NPAS1: variants seen among roughly 807,000 people sequenced by gnomAD.
NPAS1 encodes neuronal PAS domain protein 1, also known as neuronal PAS domain-containing protein 1.
A neutral mutation model predicts 49.2 loss-of-function variants in NPAS1; 29 were observed. The observed-to-expected ratio is 0.59, with a 90% CI of 0.44 to 0.80. The LOEUF is 0.80. Among genes scored for constraint, NPAS1 ranks in the 30% least tolerant of loss-of-function variants. NPAS1 has a pLI of 0.00. For missense variants in NPAS1, 825 were observed against 835.5 expected, an observed-to-expected ratio of 0.99 and a Z score of 0.15; for synonymous variants, 408 against 380.4, an observed-to-expected ratio of 1.07 and a Z score of -0.84.
intron 7 of NPAS1, 62 bp downstream of exon 7, chr19:47,039,213 C>T (rs532811210): frequency 1.3e-5 from 20 of 1,516,208 alleles, no homozygotes; most frequent in Admixed American, 2.0e-5. Flanking sequence ...TGAGGGTGAC[C>T]GAGGGAACCA....
At position 47,043,722 on chromosome 19, in the gene NPAS1, A is replaced by G. The variant is rs540325514; in HGVS notation, c.1312+818A>G. Among the ~76,000 whole-genome samples, 304 of 152,144 alleles carry G rather than the reference A, an allele frequency of 2.0e-3. 1 individual carries two copies. The highest frequency in any genetic ancestry group is 3.6e-3 in the Non-Finnish European group (248 of 67,996). On this transcript the variant is annotated intron_variant, in intron 11 of 11. Transcript: ENST00000602212. ...CAGTGAGCTGAGATCTCACCGCTGC[A>G]CTCCAGCCTGGGTGACAGAGTGAGA...
At position 47,045,199 on chromosome 19, in the gene NPAS1, C is replaced by A; in HGVS notation, c.1321C>A (p.Pro441Thr). The A allele has an allele frequency of 6.2e-7, 1 of 1,613,446 alleles. No individual in the cohort carries two copies. Among genetic ancestry groups the A allele is most frequent in the Non-Finnish European group, 8.5e-7 (1 of 1,179,830 alleles). ...GCATCTTCCTCTTCCAGAGCCGGAG[C>A]CTCCGACGGAAGGGAAGCAGGCTGC... Reference protein sequence around the residue: ...SPGPEPTEPEPPTEGKQAAPA... With the variant: ...SPGPEPTEPETPTEGKQAAPA... Residue 441 changes from proline (P) to threonine (T), a missense_variant, in exon 12 of 12, where the codon CCT (proline) becomes ACT (threonine). Pro to Thr is a conservative substitution (Grantham distance 38). Transcript: ENST00000602212.
chr19:47,031,722 G>T (rs918920342), intron 3 of NPAS1, among the ~76,000 whole-genome samples: 5 of 149,966 alleles, frequency 3.3e-5, no homozygotes, highest in African/African-American at 1.2e-4. Context: ...GTAGAGATGG[G>T]GATCCAACAT....
chr19:47,021,199 G>GAC lies in NPAS1; in HGVS notation c.122+30_122+31insAC, dbSNP rs150309227. ...GCAAAGCCCCGCCCCCCTGGCCGCG[G>GAC]GCCCCCCCCCGGGTCCAATTCACAC... is the stretch of plus-strand genomic sequence containing the variant. On this transcript the variant is annotated intron_variant, in intron 2 of 11. Coordinates refer to ENST00000602212, the MANE Select transcript of NPAS1 (RefSeq NM_002517.4). The surrounding 1 kb of genome is among the most constrained non-coding windows in gnomAD (Gnocchi z 5.7). 817 of 1,495,904 alleles carry GAC rather than the reference G, an allele frequency of 5.5e-4. No individual in the cohort carries two copies. In the African/African-American group the frequency reaches 6.9e-3, roughly 13 times the overall value. 92.7% of individuals were successfully genotyped at this position (1,495,904 alleles called of 1,614,324 possible).
chr19:47,030,400 A>G (rs2056897981), intron 3 of NPAS1, among the ~76,000 whole-genome samples: 1 of 151,936 alleles, frequency 6.6e-6, no homozygotes, highest in Admixed American at 6.6e-5. Context: ...TCATTTTCCT[A>G]GTGACTAATG....
At chr19:47,042,011 A>AAAAAAAAAAAGG in intron 10 of NPAS1, among the ~76,000 whole-genome samples, 1 of 86,704 alleles carries the variant, frequency 1.2e-5, no homozygotes, top group Non-Finnish European at 2.1e-5. Flanking sequence ...AAAAAAAGGA[A>AAAAAAAAAAAGG]AAAACACCCT....
At chr19:47,035,041 T>C (rs1599906978) in intron 5 of NPAS1, among the ~76,000 whole-genome samples, 1 of 150,874 alleles carries the variant, frequency 6.6e-6, no homozygotes, top group African/African-American at 2.5e-5. Context: ...ATTAGCCAGG[T>C]GTGTTGGCAC....
chr19:47,041,551 C>T (rs1363657023), intron 10 of NPAS1, among the ~76,000 whole-genome samples: 1 of 152,082 alleles, frequency 6.6e-6, no homozygotes, highest in African/African-American at 2.4e-5. Flanking sequence ...AAGGTAATGC[C>T]TTGGGCTGGA....
intron 10 of NPAS1, among the ~76,000 whole-genome samples, chr19:47,041,961 C>CTCCATCTCA (rs1269143279): frequency 7.3e-6 from 1 of 136,452 alleles, no homozygotes. Context: ...GCCTGGGCGA[C>CTCCATCTCA]AGAGTGAGAC....
chr19:47,021,786 G>T lies in NPAS1; in HGVS notation c.297G>T (p.Arg99=), dbSNP rs1349445361. 2 of 1,532,270 alleles carry T rather than the reference G, an allele frequency of 1.3e-6. No homozygotes were observed. The highest frequency in any genetic ancestry group is 1.8e-6 in the Non-Finnish European group (2 of 1,140,492). The allele number at this position is 1,532,270 out of a possible 1,614,324, so 94.9% of individuals were successfully genotyped here. The change falls in exon 3 of 12, where the codon CGG becomes CGT. Residue 99 remains arginine, a synonymous_variant. Transcript: ENST00000602212. This position sits in a 1 kb window ranked among gnomAD's most constrained non-coding sequence, Gnocchi z 5.7. The part of the protein sequence containing the change: ...RLSVTYLRLR[R]FAALGAPPWG... ...GCGTCACCTACCTCCGCCTGCGCCGGTTCGCCGCGCTGGGGGCGCCGCCCT... is the reference window on the plus strand; with the variant it reads ...GCGTCACCTACCTCCGCCTGCGCCGTTTCGCCGCGCTGGGGGCGCCGCCCT...
Position 47,045,150 on chromosome 19 carries a change from G to A in NPAS1, c.1313-41G>A, listed in dbSNP as rs1184568078. The A allele has an allele frequency of 2.8e-5, 44 of 1,589,574 alleles. No homozygotes were observed. In the Admixed American group the frequency reaches 7.8e-4, roughly 28 times the overall value. On this transcript the variant is annotated intron_variant, in intron 11 of 11. Coordinates refer to ENST00000602212, the MANE Select transcript of NPAS1 (RefSeq NM_002517.4). Reference sequence around the variant, plus strand: ...CATTCCACAGATGGGAAGACTGAGGGCTGGGGACACACACAGGCCCTCAGC... The same window carrying A: ...CATTCCACAGATGGGAAGACTGAGGACTGGGGACACACACAGGCCCTCAGC...
In NPAS1 at chr19:47,042,074, G is replaced by A. The variant is rs533813899; in HGVS notation, c.1218-736G>A. On this transcript the variant is annotated intron_variant, in intron 10 of 11. Coordinates refer to ENST00000602212, the MANE Select transcript of NPAS1 (RefSeq NM_002517.4). ...TGGAATCCCAGCACTTTGGGAGGCC[G>A]AGGTGGGTGGATCACGAGGTCAGGA... Among the ~76,000 whole-genome samples, 11 of 151,906 alleles carry A rather than the reference G, an allele frequency of 7.2e-5. No individual in the cohort carries two copies. The South Asian group carries it at 2.1e-3, about 29-fold the overall frequency.
At position 47,026,948 on chromosome 19, in the gene NPAS1, G is replaced by A. The variant is rs544335656; in HGVS notation, c.358+5101G>A. Among the ~76,000 whole-genome samples the A allele has an allele frequency of 7.5e-3, 1,115 of 148,262 alleles. 11 individuals are homozygous for A. The highest frequency in any genetic ancestry group is 0.011 in the Non-Finnish European group (771 of 67,386). On this transcript the variant is annotated intron_variant, in intron 3 of 11. Coordinates refer to ENST00000602212, the MANE Select transcript of NPAS1 (RefSeq NM_002517.4). ...AGCCTGGGTGTCAGTGCTAGATGCC[G>A]TCTCAAAAAAAAAAAAAAGAGAGAG...
chr19:47,023,750 C>T (rs980111065), intron 3 of NPAS1, among the ~76,000 whole-genome samples: 7 of 151,946 alleles, frequency 4.6e-5, no homozygotes, highest in Admixed American at 1.3e-4. Flanking sequence ...GCCAGGAGTT[C>T]GAGACCAGCC....
intron 3 of NPAS1, among the ~76,000 whole-genome samples, chr19:47,023,454 G>A (rs1397371498): frequency 1.3e-5 from 2 of 152,118 alleles, no homozygotes; most frequent in Non-Finnish European, 2.9e-5. Context: ...CAGTGTGGGG[G>A]GGCTTGGTAC....
rs758508595 is a variant in NPAS1, at chr19:47,045,474, G to A, written c.1596G>A (p.Val532=). ...TLLHAGFLPP[V]VRGLCTPGTI... ...TGCACGCGGGCTTCCTGCCGCCGGT[G>A]GTGCGGGGCCTGTGCACACCCGGCA... The change falls in exon 12 of 12, where the codon GTG becomes GTA. Residue 532 remains valine, a synonymous_variant. Coordinates refer to ENST00000602212, the MANE Select transcript of NPAS1 (RefSeq NM_002517.4). 2 of 1,576,094 alleles carry A rather than the reference G, an allele frequency of 1.3e-6. No homozygotes were observed. Among genetic ancestry groups the A allele is most frequent in the Admixed American group, 3.7e-5 (2 of 54,786 alleles).
At chr19:47,040,705 AAGG>A (rs2057009941) in intron 9 of NPAS1, 155 bp downstream of exon 9, 1 of 623,780 alleles carries the variant, frequency 1.6e-6, no homozygotes, top group African/African-American at 1.8e-5. Flanking sequence ...GAAGAGCAGC[AAGG>A]AGACTGAGTG....
intron 10 of NPAS1, among the ~76,000 whole-genome samples, chr19:47,042,164 C>G (rs2122552012): frequency 6.6e-6 from 1 of 152,130 alleles, no homozygotes; most frequent in South Asian, 2.1e-4. Context: ...AAAAAATTAG[C>G]TGGGCATAGT....
At chr19:47,037,259 G>A (rs562881426) in intron 6 of NPAS1, among the ~76,000 whole-genome samples, 1 of 143,434 alleles carries the variant, frequency 7.0e-6, no homozygotes, top group Non-Finnish European at 1.5e-5. Context: ...GCTGAGGCAG[G>A]AGAATCGCTT....
Sources: gnomAD v4.1 joint callset for allele counts (sites outside exome capture counted in the v4.1 genomes callset) on GRCh38, gnomAD v4.1.1 for gene constraint, Gnocchi (gnomAD v3.1) non-coding constraint, MANE v1.5 for transcripts, NCBI Gene and HGNC (gene_info 2026-07-23, HGNC 2026-07-21) for gene names.